Variants in CIDEA observed in about 807,000 individuals in gnomAD.
CIDEA encodes the protein cell death inducing DFFA like effector a.
Under a neutral mutation model 18.2 loss-of-function variants are expected in CIDEA, and 10 were observed. The ratio of observed to expected loss-of-function variants is 0.55; its 90% CI spans 0.34 to 0.93. The LOEUF is 0.93. Ranked by LOEUF, CIDEA falls within the 40% of genes least tolerant of loss-of-function variation. The pLI is 0.02. For synonymous variants in CIDEA, 128 were observed against 124.8 expected (o/e 1.03, Z -0.17); for missense variants, 309 against 293.1 (o/e 1.05, Z -0.40).
At chr18:12,258,950 C>T (rs1262853139) in intron 1 of CIDEA, among the ~76,000 whole-genome samples, 1 of 152,256 alleles carries the variant, frequency 6.6e-6, no homozygotes, top group Non-Finnish European at 1.5e-5. Context: ...TCACCGCCCT[C>T]TCCCCCCGGG....
At chr18:12,274,304 G>A (rs1213355705) in intron 4 of CIDEA, 30 bp downstream of exon 4, 4 of 1,608,804 alleles carry the variant, frequency 2.5e-6, no homozygotes, top group South Asian at 1.1e-5. Context: ...ACCTCCGGGG[G>A]TCTGCAGACT....
rs138913360 is a variant in CIDEA, at chr18:12,270,972, C to T, written c.331-3121C>T. Among the ~76,000 whole-genome samples, 1,297 of 131,384 alleles carry T rather than the reference C, an allele frequency of 9.9e-3. 25 individuals are homozygous for T. Among genetic ancestry groups the T allele is most frequent in the African/African-American group, 0.036 (1,251 of 35,112 alleles). The allele number at this position is 131,384 out of a possible 152,430, so 86.2% of individuals were successfully genotyped here. On this transcript the variant is annotated intron_variant, in intron 3 of 4. Coordinates refer to ENST00000320477, the MANE Select transcript of CIDEA (RefSeq NM_001279.4). Reference sequence around the variant, plus strand: ...GGAGTGCAATGGCGTGATCTGGGCTCACTGCAACCTCCACCTCCAGGGTTC... The same window carrying T: ...GGAGTGCAATGGCGTGATCTGGGCTTACTGCAACCTCCACCTCCAGGGTTC...
At chr18:12,266,883 C>T (rs754244598) in intron 3 of CIDEA, among the ~76,000 whole-genome samples, 14 of 151,880 alleles carry the variant, frequency 9.2e-5, no homozygotes, top group Admixed American at 2.6e-4. Context: ...GCCTCAGCCT[C>T]CCGAGTAGCT....
At chr18:12,257,344 C>G (rs148045756) in intron 1 of CIDEA, among the ~76,000 whole-genome samples, 1 of 152,196 alleles carries the variant, frequency 6.6e-6, no homozygotes, top group African/African-American at 2.4e-5. Context: ...TTTTACACAG[C>G]CTGTACTGCT....
At chr18:12,255,767 G>A (rs1019880752) in intron 1 of CIDEA, among the ~76,000 whole-genome samples, 1 of 152,228 alleles carries the variant, frequency 6.6e-6, no homozygotes, top group Admixed American at 6.5e-5. Context: ...GGCTGAGCCT[G>A]TCCCTGCCTC....
intron 3 of CIDEA, among the ~76,000 whole-genome samples, chr18:12,271,565 A>G (rs1365617597): frequency 6.6e-6 from 1 of 152,178 alleles, no homozygotes; most frequent in East Asian, 1.9e-4. Flanking sequence ...GAGATGGGAA[A>G]GGCGGGTTTG....
At chr18:12,267,246 G>C (rs1009515916) in intron 3 of CIDEA, among the ~76,000 whole-genome samples, 1 of 152,198 alleles carries the variant, frequency 6.6e-6, no homozygotes, top group Non-Finnish European at 1.5e-5. Context: ...GTCCATGGCA[G>C]CAATGCCCTA....
chr18:12,258,275 G>A (rs887808871), intron 1 of CIDEA, among the ~76,000 whole-genome samples: 7 of 152,208 alleles, frequency 4.6e-5, no homozygotes, highest in African/African-American at 1.7e-4. Context: ...AAGACCGCAG[G>A]AACCTGGAAT....
chr18:12,264,974 A>T (rs1912311068), intron 3 of CIDEA, among the ~76,000 whole-genome samples: 1 of 152,234 alleles, frequency 6.6e-6, no homozygotes, highest in Non-Finnish European at 1.5e-5. Flanking sequence ...AGGCTATTTG[A>T]TATAAAGCAA....
At chr18:12,275,882 T>C (rs1905313150) in intron 4 of CIDEA, among the ~76,000 whole-genome samples, 1 of 152,102 alleles carries the variant, frequency 6.6e-6, no homozygotes, top group Non-Finnish European at 1.5e-5. Context: ...AGCTTTACAC[T>C]TGGATTTTAA....
At chr18:12,266,754 C>T (rs1598778359) in intron 3 of CIDEA, among the ~76,000 whole-genome samples, 1 of 145,782 alleles carries the variant, frequency 6.9e-6, no homozygotes, top group Non-Finnish European at 1.5e-5. Context: ...AGATACAATG[C>T]ACAAGTCATT....
chr18:12,268,174 C>T (rs533598969), intron 3 of CIDEA, among the ~76,000 whole-genome samples: 2 of 149,594 alleles, frequency 1.3e-5, no homozygotes, highest in South Asian at 2.1e-4. Context: ...AAGGGATCCT[C>T]CTGCCTCAGC....
intron 4 of CIDEA, among the ~76,000 whole-genome samples, chr18:12,274,857 T>C (rs901527548): frequency 3.9e-5 from 6 of 152,280 alleles, no homozygotes; most frequent in African/African-American, 1.2e-4. Flanking sequence ...TCAAACAAAT[T>C]CCATGTGATC....
chr18:12,277,437 TG>T lies in CIDEA; in HGVS notation c.*172del. On this transcript the variant is annotated 3_prime_UTR_variant, in exon 5 of 5. Coordinates refer to ENST00000320477, the MANE Select transcript of CIDEA (RefSeq NM_001279.4). ...GGAAAGGGCTTGGTGGTACATGAAG[TG>T]GGGGCAGTGGGCAGGGTGCCCTGGG... The T allele has an allele frequency of 1.9e-6, 1 of 518,064 alleles. No individual in the cohort carries two copies. The highest frequency in any genetic ancestry group is 2.9e-6 in the Non-Finnish European group (1 of 345,662). The allele number at this position is 518,064 out of a possible 1,614,324, so 32.1% of individuals were successfully genotyped here. A position where few individuals can be genotyped will look rare whatever the true frequency, so the allele number is the denominator to read the frequency against.
chr18:12,274,372 G>A, intron 4 of CIDEA, 98 bp downstream of exon 4: 1 of 1,165,820 alleles, frequency 8.6e-7, no homozygotes, highest in Non-Finnish European at 1.2e-6. Flanking sequence ...TCCCAGGCCG[G>A]CTAGCACTGT....
chr18:12,260,483 G>C (rs772368890), intron 1 of CIDEA, among the ~76,000 whole-genome samples: 1 of 152,152 alleles, frequency 6.6e-6, no homozygotes, highest in Non-Finnish European at 1.5e-5. Flanking sequence ...ATTGCACCCA[G>C]CCAACTATCG....
chr18:12,257,824 C>T (rs1421248373), intron 1 of CIDEA, among the ~76,000 whole-genome samples: 1 of 152,188 alleles, frequency 6.6e-6, no homozygotes, highest in Non-Finnish European at 1.5e-5. Context: ...CCTAGGGCCG[C>T]TCAGTGGCCC....
At chr18:12,274,981 C>T (rs1190956779) in intron 4 of CIDEA, among the ~76,000 whole-genome samples, 2 of 152,220 alleles carry the variant, frequency 1.3e-5, no homozygotes, top group African/African-American at 4.8e-5. Flanking sequence ...GCTGTGTGAC[C>T]TTTCACAGAC....
chr18:12,265,988 T>G (rs1311767955), intron 3 of CIDEA, among the ~76,000 whole-genome samples: 1 of 151,964 alleles, frequency 6.6e-6, no homozygotes, highest in Non-Finnish European at 1.5e-5. Context: ...AAAGAAACAT[T>G]AAAAATAATC....
Sources: allele counts gnomAD v4.1 joint callset (sites outside exome capture counted in the v4.1 genomes callset), GRCh38; gene constraint gnomAD v4.1.1; transcripts MANE v1.5; gene names NCBI Gene and HGNC (gene_info 2026-07-23, HGNC 2026-07-21).